Variants in APBB3 observed in about 807,000 individuals in gnomAD.
The protein encoded by APBB3 is amyloid beta precursor protein binding family B member 3.
A neutral mutation model predicts 61.5 loss-of-function variants in APBB3; 50 were observed. The ratio of observed to expected loss-of-function variants is 0.81; its 90% CI spans 0.65 to 1.03. APBB3 has a LOEUF of 1.03. Among genes scored for constraint, APBB3 ranks in the 50% least tolerant of loss-of-function variants. APBB3 has a pLI of 0.00. For missense variants in APBB3, 550 were observed against 637.4 expected (o/e 0.86, Z 1.48); for synonymous variants, 235 against 233.0 (o/e 1.01, Z -0.08).
intron 3 of APBB3, 200 bp downstream of exon 3, chr5:140,563,394 G>T: frequency 4.6e-6 from 3 of 658,966 alleles, no homozygotes; most frequent in Non-Finnish European, 5.3e-6. Flanking sequence ...AAAACATGTA[G>T]CTACAAACAA....
Position 140,563,578 on chromosome 5 carries a change from C to G in APBB3, c.290+16G>C, listed in dbSNP as rs1417058375. On this transcript the variant is annotated intron_variant, in intron 3 of 12. Transcript: ENST00000357560. ...TGGAACCCCAAGCCTTTCATTTTGC[C>G]TGGGCCACCCGTTACCTCCGGTCCA... is the stretch of plus-strand genomic sequence containing the variant. 6.2e-7 allele frequency: 1 copy of G among 1,614,012 alleles called. No homozygotes were observed. The highest frequency in any genetic ancestry group is 8.5e-7 in the Non-Finnish European group (1 of 1,180,016).
chr5:140,558,310 A>T lies in APBB3; in HGVS notation c.*275T>A, dbSNP rs1055784311. The stretch of plus-strand genomic sequence containing the variant: ...TTTTATTTGCACTGATTTTGCTATA[A>T]AGTGTTACTGAGGTAGAGCCAACTG... On this transcript the variant is annotated 3_prime_UTR_variant, in exon 13 of 13. Transcript: ENST00000357560. The T allele has an allele frequency of 1.5e-5, 8 of 516,654 alleles. No individual in the cohort carries two copies. The highest frequency in any genetic ancestry group is 2.1e-5 in the Non-Finnish European group (6 of 290,898). The allele number at this position is 516,654 out of a possible 1,614,324, so 32.0% of individuals were successfully genotyped here.
chr5:140,561,005 CCT>C lies in APBB3; in HGVS notation c.916+11_916+12del, dbSNP rs773753628. 5.0e-6 allele frequency: 8 copies of C among 1,611,256 alleles called. No individual in the cohort carries two copies. The highest frequency in any genetic ancestry group is 1.7e-5 in the Admixed American group (1 of 60,006). On this transcript the variant is annotated intron_variant, in intron 10 of 12. Coordinates refer to ENST00000357560, the MANE Select transcript of APBB3 (RefSeq NM_133173.3). ...TCACACAGCCCACCACATGCAGCCC[CCT>C]CAGTCCTCACCCATGGCCTTGGTGA... is the stretch of plus-strand genomic sequence containing the variant.
chr5:140,561,945 A>T, intron 6 of APBB3, 96 bp from the exon 7 acceptor site: 3 of 1,611,600 alleles, frequency 1.9e-6, no homozygotes, highest in Non-Finnish European at 2.5e-6. Context: ...ACCCTCCCCA[A>T]CCAGGGCTGG....
chr5:140,560,360 G>C lies in APBB3; in HGVS notation c.1177C>G (p.Gln393Glu). 6.2e-7 allele frequency: 1 copy of C among 1,614,216 alleles called. No homozygotes were observed. Among genetic ancestry groups the C allele is most frequent in the South Asian group, 1.1e-5 (1 of 91,092 alleles). Reference protein sequence around the residue: ...QSFQCAAFWCQPHAGGLSEAV... With the variant: ...QSFQCAAFWCEPHAGGLSEAV... ...TCAGAGAGTCCCCCTGCATGGGGCTGGCACCAGAAGGCTGCGCACTGGAAG... is the reference window on the plus strand; with the variant it reads ...TCAGAGAGTCCCCCTGCATGGGGCTCGCACCAGAAGGCTGCGCACTGGAAG... The change falls in exon 12 of 13, where the codon CAG becomes GAG. Residue 393 changes from glutamine (Q) to glutamate (E), a missense_variant. Gln to Glu is a conservative substitution (Grantham distance 29, BLOSUM62 2). This residue lies in a region of APBB3 where 138 missense variants were observed against 132.6 expected (regional missense o/e 1.04). Transcript: ENST00000357560. This position sits in a 1 kb window ranked among gnomAD's most constrained non-coding sequence, Gnocchi z 5.1.
chr5:140,562,119 C>G lies in APBB3; in HGVS notation c.607G>C (p.Val203Leu). ...QPLVHIRVWG[V>L]GSSKGRDRDF... is the part of the protein sequence containing the mutation. ...CCTCACCGGCCCTTGGAGCTCCCCA[C>G]GCCCCACACACGGATGTGCACCAGA... Residue 203 changes from valine to leucine, a missense_variant, in exon 6 of 13, where the codon GTG becomes CTG. Val to Leu is a conservative substitution (Grantham distance 32). Around this residue, in one of 3 missense-constraint regions of APBB3, gnomAD observed 405 missense variants for 483.4 expected, o/e 0.84. Coordinates refer to ENST00000357560, the MANE Select transcript of APBB3 (RefSeq NM_133173.3). 6.2e-7 allele frequency: 1 copy of G among 1,614,078 alleles called. No homozygotes were observed. The highest frequency in any genetic ancestry group is 1.6e-4 in the Middle Eastern group (1 of 6,062).
rs1050795441 is a variant in APBB3, at chr5:140,564,156, C to T, written c.49+41G>A. ...TAGCCTTTCGGATTCCCTCGTCCTCCCTCAGCTCCTGGTCTTCCCACCGGG... is the reference window on the plus strand; with the variant it reads ...TAGCCTTTCGGATTCCCTCGTCCTCTCTCAGCTCCTGGTCTTCCCACCGGG... On this transcript the variant is annotated intron_variant, in intron 1 of 12. Coordinates refer to ENST00000357560, the MANE Select transcript of APBB3 (RefSeq NM_133173.3). This position sits in a 1 kb window ranked among gnomAD's most constrained non-coding sequence, Gnocchi z 5.0. The T allele has an allele frequency of 6.2e-7, 1 of 1,613,596 alleles. No individual in the cohort carries two copies. The highest frequency in any genetic ancestry group is 1.1e-5 in the South Asian group (1 of 90,980).
Position 140,564,498 on chromosome 5 carries a change from G to C in APBB3, c.-253C>G, listed in dbSNP as rs954731006. The C allele has an allele frequency of 6.9e-6, 4 of 576,134 alleles. No homozygotes were observed. The African/African-American group carries it at 7.8e-5, about 11-fold the overall frequency. The allele number at this position is 576,134 out of a possible 1,614,324, so 35.7% of individuals were successfully genotyped here. A position where few individuals can be genotyped will look rare whatever the true frequency, so the allele number is the denominator to read the frequency against. On this transcript the variant is annotated 5_prime_UTR_variant, in exon 1 of 13. Transcript: ENST00000357560. This position sits in a 1 kb window ranked among gnomAD's most constrained non-coding sequence, Gnocchi z 5.0. ...TCCCCGAATGGTTGCGTGTTTCCGT[G>C]TGTGGGTCCGGGGGAGGCCCACGAA... is the stretch of plus-strand genomic sequence containing the variant.
rs1754797859 is a variant in APBB3, at chr5:140,558,534, CAG to C, written c.*49_*50del. 2 of 1,563,864 alleles carry C rather than the reference CAG, an allele frequency of 1.3e-6. No homozygotes were observed. Among genetic ancestry groups the C allele is most frequent in the Non-Finnish European group, 1.8e-6 (2 of 1,134,302 alleles). ...ATAGGCCTTGAGGAATAAAACGGTACAGAGTTAGGCATGGACCCAGAGCCTAC... is the reference window on the plus strand; with the variant it reads ...ATAGGCCTTGAGGAATAAAACGGTACAGTTAGGCATGGACCCAGAGCCTAC... On this transcript the variant is annotated 3_prime_UTR_variant, in exon 13 of 13. Transcript: ENST00000357560.
Position 140,561,998 on chromosome 5 carries a change from G to A in APBB3, c.626+102C>T, listed in dbSNP as rs1246359114. On this transcript the variant is annotated intron_variant, in intron 6 of 12. Transcript: ENST00000357560. ...GTCCTGGGTCCACATCAGAGGATCT[G>A]TGTCCAGGGGTTCAAGTACTGGGGA... 6.8e-6 allele frequency: 11 copies of A among 1,612,302 alleles called. 1 individual carries two copies. Among genetic ancestry groups the A allele is most frequent in the South Asian group, 2.2e-5 (2 of 90,896 alleles).
Position 140,561,104 on chromosome 5 carries a change from G to C in APBB3, c.833-3C>G. On this transcript the variant is annotated splice_region_variant and splice_polypyrimidine_tract_variant and intron_variant, in intron 9 of 12. Coordinates refer to ENST00000357560, the MANE Select transcript of APBB3 (RefSeq NM_133173.3). ...GCTTACCGCATCCAGCAGCTCCACT[G>C]AAATATACACACCAAGTTGGCCTGG... is the stretch of plus-strand genomic sequence containing the variant. 6.2e-7 allele frequency: 1 copy of C among 1,614,054 alleles called. No individual in the cohort carries two copies. Among genetic ancestry groups the C allele is most frequent in the Non-Finnish European group, 8.5e-7 (1 of 1,180,008 alleles).
chr5:140,561,801 G>C, intron 7 of APBB3, 43 bp downstream of exon 7: 2 of 1,613,984 alleles, frequency 1.2e-6, no homozygotes, highest in East Asian at 2.2e-5. Context: ...GGATGGAGTA[G>C]GGACATCAGG....
chr5:140,561,814 T>C (rs368784554), intron 7 of APBB3, 30 bp downstream of exon 7: 16 of 1,613,660 alleles, frequency 9.9e-6, no homozygotes, highest in Middle Eastern at 1.6e-4. Context: ...ACATCAGGGA[T>C]GGGGCTCAGG....
At chr5:140,563,997 C>T in intron 1 of APBB3, 82 bp from the exon 2 acceptor site, 1 of 1,544,374 alleles carries the variant, frequency 6.5e-7, no homozygotes, top group Non-Finnish European at 8.8e-7. Flanking sequence ...CCCTCTCCAT[C>T]CCCAAAATGG....
chr5:140,558,721 T>A lies in APBB3; in HGVS notation c.1325A>T (p.Asp442Val). The A allele has an allele frequency of 1.2e-6, 2 of 1,608,540 alleles. No individual in the cohort carries two copies. Among genetic ancestry groups the A allele is most frequent in the South Asian group, 2.2e-5 (2 of 90,434 alleles). The change falls in exon 13 of 13, where the codon GAT becomes GTT. Residue 442 changes from aspartate to valine, a missense_variant. This residue lies in a region of APBB3 where 138 missense variants were observed against 132.6 expected (regional missense o/e 1.04). Transcript: ENST00000357560. ...GAGGGGCAGGGGACCTCCTGGGGAA[T>A]CCATGGAGCTGGTCCGCTTGAGCCG... Reference protein sequence around the residue: ...RLRLKRTSSMDSPGGPLPLPL... With the variant: ...RLRLKRTSSMVSPGGPLPLPL...
At chr5:140,562,012 AAGTACTGGGGATC>A in intron 6 of APBB3, 75 bp downstream of exon 6, 1 of 1,612,804 alleles carries the variant, frequency 6.2e-7, no homozygotes, top group Non-Finnish European at 8.5e-7. Flanking sequence ...CCAGGGGTTC[AAGTACTGGGGATC>A]AGCATCAGTG....
At chr5:140,563,558 C>T in intron 3 of APBB3, 36 bp downstream of exon 3, 2 of 1,611,886 alleles carry the variant, frequency 1.2e-6, no homozygotes, top group Admixed American at 3.3e-5. Context: ...CACCATGGAA[C>T]CCCAAGCCTT....
chr5:140,561,601 C>T lies in APBB3; in HGVS notation c.733G>A (p.Gly245Arg), dbSNP rs573853725. ...PAKAIASALH[G>R]LCAQILSERV... ...CTGACACTTACCTGGGCACAAAGCC[C>T]ATGTAGGGCACTGGCAATGGCCTTG... Residue 245 changes from glycine to arginine, a missense_variant, in exon 8 of 13, where the codon GGG becomes AGG. Physicochemically the swap from Gly to Arg is moderately radical, Grantham distance 125. This residue lies in a region of APBB3 where 405 missense variants were observed against 483.4 expected (regional missense o/e 0.84). Transcript: ENST00000357560. 5.6e-6 allele frequency: 9 copies of T among 1,614,112 alleles called. No homozygotes were observed. The highest frequency in any genetic ancestry group is 7.6e-6 in the Non-Finnish European group (9 of 1,180,050).
intron 9 of APBB3, 56 bp downstream of exon 9, chr5:140,561,309 C>T (rs150909420): frequency 4.4e-6 from 7 of 1,594,644 alleles, no homozygotes; most frequent in East Asian, 2.2e-5. Context: ...ATCGCCCCCC[C>T]ACAAAGCAGC....
Sources: gnomAD v4.1 joint callset for allele counts on GRCh38, gnomAD v4.1.1 for gene constraint, gnomAD v4.1.1 regional missense constraint, Gnocchi (gnomAD v3.1) non-coding constraint, MANE v1.5 for transcripts, NCBI Gene and HGNC (gene_info 2026-07-23, HGNC 2026-07-21) for gene names.